Variants in DACH2 observed in about 807,000 individuals in gnomAD.
The protein encoded by DACH2 is dachshund homolog 2.
In DACH2, 17 loss-of-function variants were observed where a neutral mutation model predicts 35.8. The observed-to-expected ratio is 0.48, with a 90% CI of 0.33 to 0.71. The LOEUF (loss-of-function observed/expected upper bound fraction) is 0.71. DACH2 is among the 30% of genes least tolerant of loss of function. DACH2 has a pLI of 0.02. For synonymous variants in DACH2, 195 were observed against 177.3 expected, an observed-to-expected ratio of 1.10 and a Z score of -0.79; for missense variants, 469 against 472.7, an observed-to-expected ratio of 0.99 and a Z score of 0.07.
chrX:86,336,145 G>T (rs191172784), intron 1 of DACH2, among the ~76,000 whole-genome samples: 98 of 111,942 alleles, frequency 8.8e-4, no homozygotes, highest in African/African-American at 3.1e-3. Context: ...GTTGGATTCG[G>T]TCTGCCAGTA....
At position 86,277,484 on chromosome X, in the gene DACH2, A is replaced by G. The variant is rs187409218; in HGVS notation, c.489-99340A>G. 6.0e-3 allele frequency among the ~76,000 whole-genome samples: 678 copies of G among 112,175 alleles called. 6 individuals carry two copies. The highest frequency in any genetic ancestry group is 0.021 in the African/African-American group (637 of 30,905). On this transcript the variant is annotated intron_variant, in intron 1 of 11. Coordinates refer to ENST00000373125, the MANE Select transcript of DACH2 (RefSeq NM_053281.3). ...GCTTTATTTTTTTTGCTAATGACTT[A>G]TTACTTGCTGTTTATTTTAAGTTTA...
At chrX:86,535,548 G>T (rs1277843322) in intron 3 of DACH2, among the ~76,000 whole-genome samples, 1 of 110,779 alleles carries the variant, frequency 9.0e-6, no homozygotes, top group East Asian at 2.8e-4. Flanking sequence ...TTAAAACAGA[G>T]ATCTTAAGAC....
chrX:86,699,615 A>G (rs1201537518), intron 5 of DACH2, among the ~76,000 whole-genome samples: 1 of 111,676 alleles, frequency 9.0e-6, no homozygotes, highest in Non-Finnish European at 1.9e-5. Flanking sequence ...TGGGAATACA[A>G]TTCAATATGC....
chrX:86,814,335 T>C (rs2042424731), intron 9 of DACH2, among the ~76,000 whole-genome samples: 1 of 112,214 alleles, frequency 8.9e-6, no homozygotes, highest in Admixed American at 9.5e-5. Flanking sequence ...AATATTTTTC[T>C]TAAGAGGATT....
chrX:86,169,305 T>C (rs1046567274), intron 1 of DACH2, among the ~76,000 whole-genome samples: 23 of 111,767 alleles, frequency 2.1e-4, no homozygotes, highest in Non-Finnish European at 4.1e-4. Flanking sequence ...TTTTTTCCTC[T>C]TACTGCTTTT....
chrX:86,319,255 G>T (rs1426773885), intron 1 of DACH2, among the ~76,000 whole-genome samples: 1 of 112,223 alleles, frequency 8.9e-6, no homozygotes, highest in Admixed American at 9.5e-5. Flanking sequence ...TTCACAATTT[G>T]CTTAAACCTT....
intron 6 of DACH2, among the ~76,000 whole-genome samples, chrX:86,717,006 A>G (rs762029905): frequency 1.8e-5 from 2 of 112,275 alleles, no homozygotes; most frequent in South Asian, 3.7e-4. Context: ...ATTTTATGCT[A>G]AAGAGAAATG....
At chrX:86,412,244 G>T (rs1220018720) in intron 2 of DACH2, among the ~76,000 whole-genome samples, 1 of 111,554 alleles carries the variant, frequency 9.0e-6, no homozygotes, top group African/African-American at 3.3e-5. Context: ...CCAGGAGAAT[G>T]TAATGTTGTG....
intron 1 of DACH2, among the ~76,000 whole-genome samples, chrX:86,242,670 T>C (rs2033191061): frequency 1.8e-5 from 2 of 111,398 alleles, no homozygotes; most frequent in Admixed American, 1.9e-4. Flanking sequence ...CTGAGTGATA[T>C]GATCTGGCTC....
intron 2 of DACH2, among the ~76,000 whole-genome samples, chrX:86,480,809 G>A (rs1320234827): frequency 8.9e-6 from 1 of 111,868 alleles, no homozygotes; most frequent in Non-Finnish European, 1.9e-5. Context: ...GTTAACTCAG[G>A]CTACTATCAT....
intron 2 of DACH2, among the ~76,000 whole-genome samples, chrX:86,478,925 A>G (rs1037114944): frequency 1.8e-5 from 2 of 110,788 alleles, no homozygotes; most frequent in African/African-American, 6.6e-5. Flanking sequence ...GGCTTTCTGT[A>G]TGTCGAGTTT....
chrX:86,824,209 C>A (rs751533354), intron 11 of DACH2, among the ~76,000 whole-genome samples: 1 of 110,594 alleles, frequency 9.0e-6, no homozygotes, highest in African/African-American at 3.3e-5. Flanking sequence ...CGTTTATAGA[C>A]CTCCCCCCAG....
At chrX:86,505,995 T>G (rs933826392) in intron 2 of DACH2, among the ~76,000 whole-genome samples, 7 of 111,948 alleles carry the variant, frequency 6.3e-5, no homozygotes, top group Non-Finnish European at 1.3e-4. Context: ...CAGCTCAATA[T>G]GGCCAAACTA....
chrX:86,260,611 T>C (rs527467312), intron 1 of DACH2, among the ~76,000 whole-genome samples: 53 of 112,429 alleles, frequency 4.7e-4, no homozygotes, highest in African/African-American at 1.6e-3. Context: ...CTGTTCAATA[T>C]GCGTTTGTTT....
intron 1 of DACH2, among the ~76,000 whole-genome samples, chrX:86,362,007 T>G (rs2035746221): frequency 9.0e-6 from 1 of 111,386 alleles, no homozygotes; most frequent in Non-Finnish European, 1.9e-5. Context: ...AAATTTCATC[T>G]ATATTAGTAA....
intron 1 of DACH2, among the ~76,000 whole-genome samples, chrX:86,246,598 C>A (rs1329737391): frequency 8.9e-6 from 1 of 112,021 alleles, no homozygotes; most frequent in Non-Finnish European, 1.9e-5. Flanking sequence ...AAATAAGTTC[C>A]TTTTCAGACA....
intron 5 of DACH2, among the ~76,000 whole-genome samples, chrX:86,705,547 C>A (rs949636901): frequency 9.0e-6 from 1 of 111,111 alleles, no homozygotes; most frequent in African/African-American, 3.3e-5. Context: ...CGAGATGGTA[C>A]CTTACCCCAG....
chrX:86,556,866 T>G, intron 3 of DACH2, among the ~76,000 whole-genome samples: 1 of 97,607 alleles, frequency 1.0e-5, no homozygotes, highest in Non-Finnish European at 2.0e-5. Context: ...CTCATGCAGT[T>G]ACGGAGGCTG....
At chrX:86,789,792 C>A (rs2042170893) in intron 7 of DACH2, among the ~76,000 whole-genome samples, 1 of 111,686 alleles carries the variant, frequency 9.0e-6, no homozygotes, top group African/African-American at 3.3e-5. Flanking sequence ...GATGCTACAG[C>A]ATAGAGGTAA....
Sources: gnomAD v4.1 joint callset for allele counts (sites outside exome capture counted in the v4.1 genomes callset) on GRCh38, gnomAD v4.1.1 for gene constraint, MANE v1.5 for transcripts, NCBI Gene and HGNC (gene_info 2026-07-23, HGNC 2026-07-21) for gene names.